CNTNAP2: variants seen among roughly 807,000 people sequenced by gnomAD.
The protein encoded by CNTNAP2 is contactin associated protein 2.
CNTNAP2 carries 98 observed loss-of-function variants against 155.2 expected under a neutral mutation model. The ratio of observed to expected loss-of-function variants is 0.63; its 90% confidence interval spans 0.54 to 0.75. The LOEUF (loss-of-function observed/expected upper bound fraction) is 0.75. Among genes scored for constraint, CNTNAP2 ranks in the 30% least tolerant of loss-of-function variants. The pLI, the probability that CNTNAP2 is intolerant of heterozygous loss-of-function variation, is 0.00. For synonymous variants in CNTNAP2, 651 were observed against 631.2 expected (o/e 1.03, Z -0.47); for missense variants, 1,727 against 1,688.1 (o/e 1.02, Z -0.40).
intron 13 of CNTNAP2, among the ~76,000 whole-genome samples, chr7:147,752,190 G>T (rs1196668014): frequency 6.6e-6 from 1 of 152,134 alleles, no homozygotes; most frequent in African/African-American, 2.4e-5. Flanking sequence ...CTTTTTAATT[G>T]AACAGAAGGA....
At chr7:147,811,532 T>G (rs1798179495) in intron 13 of CNTNAP2, among the ~76,000 whole-genome samples, 2 of 152,120 alleles carry the variant, frequency 1.3e-5, no homozygotes, top group African/African-American at 4.8e-5. Context: ...TCATGAAGAC[T>G]CCCTAGAAGC....
At chr7:146,901,875 T>C (rs1179731829) in intron 3 of CNTNAP2, among the ~76,000 whole-genome samples, 5 of 135,816 alleles carry the variant, frequency 3.7e-5, no homozygotes, top group African/African-American at 1.1e-4. Flanking sequence ...TGCTCCTTTT[T>C]TTTTTTTTTT....
At chr7:146,420,780 GAC>G (rs1397204179) in intron 1 of CNTNAP2, among the ~76,000 whole-genome samples, 2 of 152,006 alleles carry the variant, frequency 1.3e-5, no homozygotes, top group African/African-American at 4.8e-5. Flanking sequence ...AGTTATATAA[GAC>G]ACATCATTAA....
At chr7:147,287,910 C>T (rs908968971) in intron 8 of CNTNAP2, among the ~76,000 whole-genome samples, 3 of 152,260 alleles carry the variant, frequency 2.0e-5, no homozygotes, top group Non-Finnish European at 4.4e-5. Flanking sequence ...AAACTTCCAT[C>T]GTCTCTTGCC....
chr7:147,372,387 C>T (rs1025704364), intron 9 of CNTNAP2, among the ~76,000 whole-genome samples: 4 of 152,018 alleles, frequency 2.6e-5, no homozygotes, highest in East Asian at 1.9e-4. Context: ...TTTTAATGTC[C>T]TTTTTGGCCT....
intron 13 of CNTNAP2, among the ~76,000 whole-genome samples, chr7:147,684,745 C>T (rs1362855792): frequency 6.6e-6 from 1 of 151,858 alleles, no homozygotes; most frequent in Non-Finnish European, 1.5e-5. Flanking sequence ...AGCATTCTAC[C>T]TAAATATTTG....
intron 1 of CNTNAP2, among the ~76,000 whole-genome samples, chr7:146,450,098 A>G (rs945138975): frequency 3.3e-5 from 5 of 152,158 alleles, no homozygotes; most frequent in Non-Finnish European, 7.4e-5. Flanking sequence ...TACCTTTTCT[A>G]AAAAGCTTTT....
chr7:147,347,457 CATATATATATATATAT>C (rs60963934), intron 9 of CNTNAP2, among the ~76,000 whole-genome samples: 2 of 50,004 alleles, frequency 4.0e-5, no homozygotes, highest in African/African-American at 1.1e-4. Context: ...TATATATATG[CATATATATATATATAT>C]ATGCATATAT....
chr7:146,615,334 C>A (rs143881955), intron 1 of CNTNAP2, among the ~76,000 whole-genome samples: 1 of 152,180 alleles, frequency 6.6e-6, no homozygotes, highest in African/African-American at 2.4e-5. Flanking sequence ...CAGTTATGTC[C>A]CCAAACAGGA....
rs558231692 is a variant in CNTNAP2 at position 146,625,987 on chromosome 7, C to T, written c.98-148284C>T. ...ATCAGAGGTTATTTATCTTCATACA[C>T]TAGTTTGGAAATGGATGAATCATTT... On this transcript the variant is annotated intron_variant, in intron 1 of 23. Coordinates refer to ENST00000361727, the MANE Select transcript of CNTNAP2 (RefSeq NM_014141.6). Among the ~76,000 whole-genome samples the T allele has an allele frequency of 2.6e-5, 4 of 152,160 alleles. No homozygotes were observed. In the East Asian group the frequency reaches 7.7e-4, roughly 29 times the overall value.
intron 1 of CNTNAP2, among the ~76,000 whole-genome samples, chr7:146,426,583 A>T (rs1440017054): frequency 6.6e-6 from 1 of 151,174 alleles, no homozygotes; most frequent in Non-Finnish European, 1.5e-5. Context: ...AATCAGTTTT[A>T]AGCCAAAAGT....
At chr7:146,594,628 G>T (rs1416922265) in intron 1 of CNTNAP2, among the ~76,000 whole-genome samples, 2 of 151,918 alleles carry the variant, frequency 1.3e-5, no homozygotes, top group Non-Finnish European at 2.9e-5. Flanking sequence ...TTCTTTCATG[G>T]TGTTAACTGT....
chr7:146,673,100 T>G (rs988914257), intron 1 of CNTNAP2, among the ~76,000 whole-genome samples: 1 of 152,144 alleles, frequency 6.6e-6, no homozygotes, highest in African/African-American at 2.4e-5. Context: ...GTTACATTAG[T>G]TCAGAATCAT....
intron 3 of CNTNAP2, among the ~76,000 whole-genome samples, chr7:146,974,342 G>T (rs1031617994): frequency 6.6e-6 from 1 of 151,890 alleles, no homozygotes; most frequent in African/African-American, 2.4e-5. Flanking sequence ...GGAGGCTGAG[G>T]CAGGAGAATC....
At chr7:148,155,476 G>A (rs965564849) in intron 17 of CNTNAP2, among the ~76,000 whole-genome samples, 1 of 152,068 alleles carries the variant, frequency 6.6e-6, no homozygotes, top group Non-Finnish European at 1.5e-5. Context: ...GGGATAGGAG[G>A]GATCATAGGG....
intron 13 of CNTNAP2, among the ~76,000 whole-genome samples, chr7:147,659,814 G>T (rs1458528547): frequency 6.6e-6 from 1 of 152,194 alleles, no homozygotes; most frequent in Admixed American, 6.5e-5. Context: ...ATCACTCGAT[G>T]CTGTATTTGC....
At chr7:146,359,595 T>C (rs960891740) in intron 1 of CNTNAP2, among the ~76,000 whole-genome samples, 5 of 152,252 alleles carry the variant, frequency 3.3e-5, no homozygotes, top group African/African-American at 1.2e-4. Flanking sequence ...TATTTATTTA[T>C]GGTAGAGTTG....
intron 21 of CNTNAP2, among the ~76,000 whole-genome samples, chr7:148,344,442 T>C (rs1798286819): frequency 6.6e-6 from 1 of 152,186 alleles, no homozygotes; most frequent in African/African-American, 2.4e-5. Context: ...TAAAAGCACC[T>C]TGCCCCATCA....
intron 8 of CNTNAP2, among the ~76,000 whole-genome samples, chr7:147,215,669 T>C (rs896907472): frequency 5.3e-5 from 8 of 152,236 alleles, no homozygotes; most frequent in African/African-American, 1.9e-4. Flanking sequence ...CAGGTTTATG[T>C]GTGAACATAT....
Sources: gnomAD v4.1 joint callset for allele counts (sites outside exome capture counted in the v4.1 genomes callset) on GRCh38, gnomAD v4.1.1 for gene constraint, MANE v1.5 for transcripts, NCBI Gene and HGNC (gene_info 2026-07-23, HGNC 2026-07-21) for gene names.